DOCK5: variants seen among roughly 807,000 people sequenced by gnomAD.
DOCK5 encodes dedicator of cytokinesis protein 5.
In DOCK5, 142 loss-of-function variants were observed where a neutral mutation model predicts 251.8. The observed-to-expected ratio is 0.56, with a 90% confidence interval of 0.49 to 0.65. The LOEUF (loss-of-function observed/expected upper bound fraction) is 0.65. DOCK5 is among the 30% of genes least tolerant of loss of function. The pLI, the probability that DOCK5 is intolerant of heterozygous loss-of-function variation, is 0.00. For synonymous variants in DOCK5, 842 were observed against 835.5 expected, an observed-to-expected ratio of 1.01 and a Z score of -0.13; for missense variants, 2,111 against 2,312.3, an observed-to-expected ratio of 0.91 and a Z score of 1.79.
intron 46 of DOCK5, among the ~76,000 whole-genome samples, chr8:25,400,341 C>G (rs1801417114): frequency 6.6e-6 from 1 of 151,528 alleles, no homozygotes; most frequent in Non-Finnish European, 1.5e-5. Context: ...TCTACTAAAA[C>G]TACAAAATTA....
intron 10 of DOCK5, 44 bp downstream of exon 10, chr8:25,302,498 G>T: frequency 6.9e-7 from 1 of 1,458,802 alleles, no homozygotes; most frequent in Middle Eastern, 1.8e-4. Context: ...GTGCAGTGCT[G>T]TGGAAAATAG....
chr8:25,379,955 C>T (rs1355779938), intron 38 of DOCK5, among the ~76,000 whole-genome samples: 1 of 152,146 alleles, frequency 6.6e-6, no homozygotes, highest in African/African-American at 2.4e-5. Context: ...GACTTGCATG[C>T]TTTCCGAACC....
At chr8:25,253,357 C>T (rs140078191) in intron 2 of DOCK5, among the ~76,000 whole-genome samples, 1 of 148,036 alleles carries the variant, frequency 6.8e-6, no homozygotes, top group African/African-American at 2.5e-5. Context: ...TTTAGCATTC[C>T]ACAGATTTTG....
At chr8:25,391,550 A>G (rs137886764) in intron 42 of DOCK5, among the ~76,000 whole-genome samples, 2 of 152,230 alleles carry the variant, frequency 1.3e-5, no homozygotes, top group African/African-American at 2.4e-5. Flanking sequence ...AGGTAGGAGA[A>G]TCACTTGAAC....
intron 5 of DOCK5, among the ~76,000 whole-genome samples, chr8:25,290,745 C>T (rs544716759): frequency 6.6e-6 from 1 of 152,260 alleles, no homozygotes; most frequent in East Asian, 1.9e-4. Flanking sequence ...AACTCTCTGT[C>T]CTATAAAGGC....
At chr8:25,317,988 T>A (rs1358851323) in intron 14 of DOCK5, among the ~76,000 whole-genome samples, 1 of 152,142 alleles carries the variant, frequency 6.6e-6, no homozygotes, top group Non-Finnish European at 1.5e-5. Flanking sequence ...AACACAGGAG[T>A]TAGTGGCAGA....
At chr8:25,259,510 C>T (rs1408172418) in intron 2 of DOCK5, among the ~76,000 whole-genome samples, 1 of 152,170 alleles carries the variant, frequency 6.6e-6, no homozygotes, top group Non-Finnish European at 1.5e-5. Context: ...GGGTAGAACA[C>T]AGTGGCACCA....
chr8:25,345,841 T>C (rs989055403), intron 26 of DOCK5, among the ~76,000 whole-genome samples: 14 of 152,028 alleles, frequency 9.2e-5, no homozygotes, highest in African/African-American at 2.7e-4. Flanking sequence ...GTGCGCACTA[T>C]TGAGATCCCT....
At chr8:25,254,100 T>A (rs1462760591) in intron 2 of DOCK5, among the ~76,000 whole-genome samples, 2 of 152,226 alleles carry the variant, frequency 1.3e-5, no homozygotes, top group East Asian at 3.9e-4. Flanking sequence ...TATAGTCAGC[T>A]GACCTTTGAC....
rs113691072 is a variant in DOCK5 at position 25,354,679 on chromosome 8, G to A, written c.2850+2853G>A. ...AATGTACAGACAGACACAGACAGTC[G>A]CGAAGAGAGATGTGGAAAAAGAAAA... On this transcript the variant is annotated intron_variant, in intron 27 of 51. Coordinates refer to ENST00000276440, the MANE Select transcript of DOCK5 (RefSeq NM_024940.8). Among the ~76,000 whole-genome samples, 291 of 152,282 alleles carry A rather than the reference G, an allele frequency of 1.9e-3. 2 individuals are homozygous for A. Among genetic ancestry groups the A allele is most frequent in the Middle Eastern group, 6.8e-3 (2 of 294 alleles).
intron 2 of DOCK5, among the ~76,000 whole-genome samples, chr8:25,256,589 A>G (rs753847330): frequency 2.0e-5 from 3 of 150,536 alleles, no homozygotes; most frequent in African/African-American, 4.9e-5. Context: ...CAGTGAGCCA[A>G]TATTGCACCA....
intron 27 of DOCK5, among the ~76,000 whole-genome samples, chr8:25,358,264 C>T (rs1017632219): frequency 1.3e-5 from 2 of 152,164 alleles, no homozygotes; most frequent in Admixed American, 1.3e-4. Flanking sequence ...AAACGTCCTT[C>T]ATCACATGGC....
At chr8:25,217,077 A>G (rs991273246) in intron 1 of DOCK5, among the ~76,000 whole-genome samples, 22 of 147,404 alleles carry the variant, frequency 1.5e-4, no homozygotes, top group African/African-American at 5.5e-4. Context: ...GTATATATGT[A>G]TATATAATAT....
At chr8:25,322,753 A>G (rs1158751317) in intron 16 of DOCK5, among the ~76,000 whole-genome samples, 2 of 152,240 alleles carry the variant, frequency 1.3e-5, no homozygotes, top group African/African-American at 4.8e-5. Flanking sequence ...TCACAAGGCT[A>G]GCATATGACC....
At chr8:25,391,111 G>GC (rs1801250527) in intron 42 of DOCK5, among the ~76,000 whole-genome samples, 1 of 151,942 alleles carries the variant, frequency 6.6e-6, no homozygotes, top group South Asian at 2.1e-4. Flanking sequence ...CACGATCATA[G>GC]CCCACTGCAA....
chr8:25,266,731 C>T (rs1803762756), intron 2 of DOCK5, among the ~76,000 whole-genome samples: 1 of 151,718 alleles, frequency 6.6e-6, no homozygotes, highest in Non-Finnish European at 1.5e-5. Flanking sequence ...TTCTCTCATA[C>T]CTGATGCAAG....
At chr8:25,270,417 A>G (rs992338406) in intron 3 of DOCK5, among the ~76,000 whole-genome samples, 2 of 152,150 alleles carry the variant, frequency 1.3e-5, no homozygotes, top group African/African-American at 4.8e-5. Flanking sequence ...TATTGGTGTT[A>G]ATTTTACTCA....
intron 1 of DOCK5, among the ~76,000 whole-genome samples, chr8:25,190,775 GGTTTTTTTTTTTTT>G (rs1408534094): frequency 3.7e-5 from 2 of 53,980 alleles, no homozygotes; most frequent in African/African-American, 1.3e-4. Context: ...CTTGGTCATG[GGTTTTTTTTTTTTT>G]TTTTTTTTTT....
Position 25,243,744 on chromosome 8 carries a change from G to T in DOCK5, c.114G>T (p.Leu38=), listed in dbSNP as rs1019426585. 4 of 1,613,460 alleles carry T rather than the reference G, an allele frequency of 2.5e-6. No individual in the cohort carries two copies. In the African/African-American group the frequency reaches 5.3e-5, roughly 22 times the overall value. Residue 38 remains leucine, a synonymous_variant, in exon 2 of 52, where the codon CTG becomes CTT. Transcript: ENST00000276440. The stretch of plus-strand genomic sequence containing the variant: ...AGATCGGTGACACAGTTCACATCCT[G>T]GAGATGTACGAGGGTAAGTCTGGCT... The part of the protein sequence containing the change: ...SLQIGDTVHI[L]EMYEGWYRGY...
Sources: gnomAD v4.1 joint callset for allele counts (sites outside exome capture counted in the v4.1 genomes callset) on GRCh38, gnomAD v4.1.1 for gene constraint, MANE v1.5 for transcripts, NCBI Gene and HGNC (gene_info 2026-07-23, HGNC 2026-07-21) for gene names.